RNF180: variants seen among roughly 807,000 people sequenced by gnomAD.
The protein encoded by RNF180 is ring finger protein 180, also known as E3 ubiquitin-protein ligase RNF180.
A neutral mutation model predicts 59.2 loss-of-function variants in RNF180; 38 were observed. The ratio of observed to expected loss-of-function variants is 0.64; its 90% CI spans 0.50 to 0.84. The LOEUF (loss-of-function observed/expected upper bound fraction) is 0.84, where lower values mean the gene tolerates loss of function less well. RNF180 is among the 40% of genes least tolerant of loss of function. The pLI is 0.00. For synonymous variants in RNF180, 262 were observed against 240.3 expected, an observed-to-expected ratio of 1.09 and a Z score of -0.84; for missense variants, 705 against 700.9, an observed-to-expected ratio of 1.01 and a Z score of -0.07.
At chr5:64,206,856 G>A (rs1225045221) in intron 2 of RNF180, among the ~76,000 whole-genome samples, 1 of 152,136 alleles carries the variant, frequency 6.6e-6, no homozygotes, top group African/African-American at 2.4e-5. Flanking sequence ...GCCAGAGCCA[G>A]AACATGCTGG....
chr5:64,167,871 T>C (rs1749735248), intron 1 of RNF180, among the ~76,000 whole-genome samples: 1 of 152,222 alleles, frequency 6.6e-6, no homozygotes, highest in Admixed American at 6.5e-5. Flanking sequence ...TGATGTGTCC[T>C]TTCCTTCATA....
chr5:64,352,386 TTCTGTC>T (rs1369054250), intron 7 of RNF180, among the ~76,000 whole-genome samples: 1 of 152,134 alleles, frequency 6.6e-6, no homozygotes, highest in Non-Finnish European at 1.5e-5. Context: ...GAAGGGTTTT[TTCTGTC>T]TCTATCTCCT....
rs906761553 is a variant in RNF180, at chr5:64,174,324, G to C, written c.-1+8371G>C. Among the ~76,000 whole-genome samples, 3 of 152,162 alleles carry C rather than the reference G, an allele frequency of 2.0e-5. No individual in the cohort carries two copies. The South Asian group carries it at 6.2e-4, about 32-fold the overall frequency. ...TTCATTTCCTTTGGATATATACCCAGAAGTGGGATAGCTGGATCATGTTGA... is the reference window on the plus strand; with the variant it reads ...TTCATTTCCTTTGGATATATACCCACAAGTGGGATAGCTGGATCATGTTGA... On this transcript the variant is annotated intron_variant, in intron 1 of 7. Transcript: ENST00000389100.
At chr5:64,341,479 G>A (rs1297335520) in intron 7 of RNF180, among the ~76,000 whole-genome samples, 1 of 152,158 alleles carries the variant, frequency 6.6e-6, no homozygotes, top group East Asian at 1.9e-4. Flanking sequence ...AAATGTTCAA[G>A]TGTTCTAAAG....
rs548227573 is a variant in RNF180, at chr5:64,199,602, C to T, written c.1-1206C>T. Among the ~76,000 whole-genome samples, 15 of 152,210 alleles carry T rather than the reference C, an allele frequency of 9.9e-5. No individual in the cohort carries two copies. In the South Asian group the frequency reaches 2.7e-3, roughly 27 times the overall value. ...AGAAAGTTTTACTCATTTTCATGTT[C>T]CCAGAGTTTGACTCATTGTCTGGCA... is the stretch of plus-strand genomic sequence containing the variant. On this transcript the variant is annotated intron_variant, in intron 1 of 7. Transcript: ENST00000389100.
intron 1 of RNF180, among the ~76,000 whole-genome samples, chr5:64,192,530 G>A (rs1448605343): frequency 6.6e-6 from 1 of 151,932 alleles, no homozygotes; most frequent in Non-Finnish European, 1.5e-5. Flanking sequence ...AAATTACCTG[G>A]GCGTGGTGGC....
At chr5:64,212,865 A>C (rs1456810522) in intron 3 of RNF180, among the ~76,000 whole-genome samples, 1 of 152,230 alleles carries the variant, frequency 6.6e-6, no homozygotes, top group Non-Finnish European at 1.5e-5. Context: ...TATTTGTTAA[A>C]AAATAACATT....
At chr5:64,286,510 A>G (rs1742293892) in intron 5 of RNF180, among the ~76,000 whole-genome samples, 1 of 152,270 alleles carries the variant, frequency 6.6e-6, no homozygotes, top group Admixed American at 6.5e-5. Flanking sequence ...ATGAAGTATT[A>G]TAAAGATGAG....
chr5:64,252,270 C>T (rs1442270766), intron 5 of RNF180, among the ~76,000 whole-genome samples: 1 of 152,066 alleles, frequency 6.6e-6, no homozygotes. Flanking sequence ...CAAGAACACA[C>T]AACAGGGAAA....
intron 5 of RNF180, among the ~76,000 whole-genome samples, chr5:64,237,001 C>T (rs1268082951): frequency 6.6e-6 from 1 of 152,206 alleles, no homozygotes; most frequent in African/African-American, 2.4e-5. Context: ...AACCTCTACA[C>T]AGGCAATGCA....
chr5:64,279,364 C>T (rs1373601578), intron 5 of RNF180, among the ~76,000 whole-genome samples: 2 of 152,072 alleles, frequency 1.3e-5, no homozygotes, highest in Admixed American at 1.3e-4. Context: ...TGATCAGGAA[C>T]TCTACTCTGA....
chr5:64,239,223 A>G (rs1561210564), intron 5 of RNF180, among the ~76,000 whole-genome samples: 1 of 152,170 alleles, frequency 6.6e-6, no homozygotes, highest in Non-Finnish European at 1.5e-5. Context: ...GGATTCATAG[A>G]TAAGTGGCAT....
At position 64,309,925 on chromosome 5, in the gene RNF180, C is replaced by T. The variant is rs73761481; in HGVS notation, c.1228-15261C>T. ...AAATGTCGTTTAACAGTCAAAGGAACAAAGGCCTAGAGAATTCATAAAACT... is the reference window on the plus strand; with the variant it reads ...AAATGTCGTTTAACAGTCAAAGGAATAAAGGCCTAGAGAATTCATAAAACT... On this transcript the variant is annotated intron_variant, in intron 5 of 7. Coordinates refer to ENST00000389100, the MANE Select transcript of RNF180 (RefSeq NM_001113561.2). Among the ~76,000 whole-genome samples the T allele has an allele frequency of 9.4e-3, 1,422 of 151,590 alleles. 19 individuals are homozygous for T. Among genetic ancestry groups the T allele is most frequent in the African/African-American group, 0.033 (1,359 of 41,426 alleles).
At chr5:64,266,333 TGA>T (rs1744677746) in intron 5 of RNF180, among the ~76,000 whole-genome samples, 1 of 152,144 alleles carries the variant, frequency 6.6e-6, no homozygotes, top group African/African-American at 2.4e-5. Context: ...CTAGCAAAAC[TGA>T]GAGTTGAAAG....
intron 5 of RNF180, among the ~76,000 whole-genome samples, chr5:64,295,196 T>C (rs965175267): frequency 1.3e-5 from 2 of 152,192 alleles, no homozygotes; most frequent in Admixed American, 1.3e-4. Context: ...GTCTCAACTA[T>C]CTCTAGCCAT....
intron 1 of RNF180, among the ~76,000 whole-genome samples, chr5:64,194,101 C>T (rs1471736827): frequency 6.6e-6 from 1 of 152,046 alleles, no homozygotes; most frequent in Non-Finnish European, 1.5e-5. Flanking sequence ...TGTGCTGCAC[C>T]CATTAACTCG....
chr5:64,200,825 A>G lies in RNF180; in HGVS notation c.18A>G (p.Glu6=). 1.2e-6 allele frequency: 2 copies of G among 1,612,466 alleles called. No homozygotes were observed. Among genetic ancestry groups the G allele is most frequent in the Non-Finnish European group, 1.7e-6 (2 of 1,178,854 alleles). ...TTCCGCAGATGAAAAGAAGCAAAGAATTGATAACTAAAAATCATAGTCAAG... is the reference window on the plus strand; with the variant it reads ...TTCCGCAGATGAAAAGAAGCAAAGAGTTGATAACTAAAAATCATAGTCAAG... MKRSK[E]LITKNHSQEE... The change falls in exon 2 of 8, where the codon GAA becomes GAG. Residue 6 remains glutamate (E), a synonymous_variant. Coordinates refer to ENST00000389100, the MANE Select transcript of RNF180 (RefSeq NM_001113561.2).
At chr5:64,233,935 T>C (rs987622379) in intron 5 of RNF180, among the ~76,000 whole-genome samples, 1 of 152,172 alleles carries the variant, frequency 6.6e-6, no homozygotes, top group African/African-American at 2.4e-5. Flanking sequence ...CCTGGTCTGG[T>C]TCAGAAAACT....
chr5:64,318,132 A>G (rs1033581780), intron 5 of RNF180, among the ~76,000 whole-genome samples: 2 of 152,192 alleles, frequency 1.3e-5, no homozygotes, highest in East Asian at 1.9e-4. Flanking sequence ...TATGTGTACT[A>G]TATGTTTTTT....
Sources: gnomAD v4.1 joint callset for allele counts (sites outside exome capture counted in the v4.1 genomes callset) on GRCh38, gnomAD v4.1.1 for gene constraint, MANE v1.5 for transcripts, NCBI Gene and HGNC (gene_info 2026-07-23, HGNC 2026-07-21) for gene names.